ZEB2: variants seen among roughly 807,000 people sequenced by gnomAD.
The protein encoded by ZEB2 is zinc finger E-box-binding homeobox 2.
ZEB2 carries 6 observed loss-of-function variants against 99.9 expected under a neutral mutation model. That is an observed-to-expected ratio of 0.06 (90% CI 0.03 to 0.12). The LOEUF is 0.12. Ranked by LOEUF, ZEB2 falls within the 10% of genes least tolerant of loss-of-function variation. The probability of loss-of-function intolerance (pLI) is 1.00; values close to 1 mark genes in which losing one functional copy is unlikely to be tolerated. For synonymous variants in ZEB2, 517 were observed against 542.5 expected, an observed-to-expected ratio of 0.95 and a Z score of 0.65; for missense variants, 969 against 1,502.8, an observed-to-expected ratio of 0.64 and a Z score of 5.87.
At position 144,391,775 on chromosome 2, in the gene ZEB2, C is replaced by T. The variant is rs116638416; in HGVS notation, c.3068-1747G>A. Among the ~76,000 whole-genome samples, 445 of 152,256 alleles carry T rather than the reference C, an allele frequency of 2.9e-3. 1 individual carries two copies. Among genetic ancestry groups the T allele is most frequent in the Non-Finnish European group, 5.1e-3 (349 of 68,016 alleles). ...GATGCTGTCAGGAGAAAGGATAAGA[C>T]GTTTCTAGTCGCAGCAATTCATCCA... On this transcript the variant is annotated intron_variant, in intron 9 of 9. Coordinates refer to ENST00000627532, the MANE Select transcript of ZEB2 (RefSeq NM_014795.4).
In ZEB2 at chr2:144,389,354, T is replaced by G; in HGVS notation, c.*97A>C. ...CCCTCTCTACAGCTTCCTGGAAGCG[T>G]CAGGCACGTGCATGAACAGCTTAAC... is the stretch of plus-strand genomic sequence containing the variant. On this transcript the variant is annotated 3_prime_UTR_variant, in exon 10 of 10. Coordinates refer to ENST00000627532, the MANE Select transcript of ZEB2 (RefSeq NM_014795.4). This position sits in a 1 kb window ranked among gnomAD's most constrained non-coding sequence, Gnocchi z 6.8. The G allele has an allele frequency of 2.1e-6, 3 of 1,399,240 alleles. No individual in the cohort carries two copies. Among genetic ancestry groups the G allele is most frequent in the South Asian group, 2.3e-5 (2 of 86,636 alleles). 86.7% of individuals were successfully genotyped at this position (1,399,240 alleles called of 1,614,324 possible). A position where few individuals can be genotyped will look rare whatever the true frequency, so the allele number is the denominator to read the frequency against.
chr2:144,388,772 T>TA lies in ZEB2; in HGVS notation c.*678dup. 2 of 418,758 alleles carry TA rather than the reference T, an allele frequency of 4.8e-6. No individual in the cohort carries two copies. Among genetic ancestry groups the TA allele is most frequent in the Non-Finnish European group, 9.5e-6 (2 of 211,424 alleles). The allele number at this position is 418,758 out of a possible 1,614,324, so 25.9% of individuals were successfully genotyped here. On this transcript the variant is annotated 3_prime_UTR_variant, in exon 10 of 10. Coordinates refer to ENST00000627532, the MANE Select transcript of ZEB2 (RefSeq NM_014795.4). This position sits in a 1 kb window ranked among gnomAD's most constrained non-coding sequence, Gnocchi z 5.4. ...TTAAAAGGTTTGCATATAAGGCTTT[T>TA]AAAACCACCTTACAAAGGCTTTCTT...
intron 2 of ZEB2, chr2:144,513,771 TCCGAG>T: frequency 6.5e-7 from 1 of 1,536,074 alleles, no homozygotes; most frequent in Non-Finnish European, 8.7e-7. Context: ...CATCTCCCGC[TCCGAG>T]TGCTCATTTC....
chr2:144,508,797 C>CCTTT (rs1704988373), intron 2 of ZEB2, among the ~76,000 whole-genome samples: 1 of 151,966 alleles, frequency 6.6e-6, no homozygotes, highest in Non-Finnish European at 1.5e-5. Flanking sequence ...AGTTGAAGCC[C>CCTTT]CTTTCTTCAT....
intron 2 of ZEB2, among the ~76,000 whole-genome samples, chr2:144,451,390 T>C (rs1405141940): frequency 1.3e-5 from 2 of 152,182 alleles, no homozygotes; most frequent in African/African-American, 4.8e-5. Context: ...CTTAGGAAAA[T>C]AAATATCCAG....
chr2:144,481,793 A>G (rs1560643185), intron 2 of ZEB2, among the ~76,000 whole-genome samples: 2 of 152,302 alleles, frequency 1.3e-5, no homozygotes, highest in East Asian at 3.9e-4. Context: ...TGAAAGAACA[A>G]TTTCAAAACT....
At chr2:144,445,477 A>G (rs1174675263) in intron 2 of ZEB2, among the ~76,000 whole-genome samples, 1 of 151,964 alleles carries the variant, frequency 6.6e-6, no homozygotes, top group African/African-American at 2.4e-5. Context: ...TCTCTCTTTG[A>G]AAACCCTGCC....
At chr2:144,429,461 G>T (rs891912490) in intron 3 of ZEB2, 1 of 384,676 alleles carries the variant, frequency 2.6e-6, no homozygotes, top group Admixed American at 4.0e-5. Context: ...TATAGATCTT[G>T]ATCATGTTAC....
intron 2 of ZEB2, 123 bp downstream of exon 2, chr2:144,517,155 C>G (rs1573821400): frequency 1.7e-6 from 2 of 1,155,736 alleles, no homozygotes; most frequent in Non-Finnish European, 1.2e-6. Context: ...GAGGGAGGCT[C>G]GCCCTAGAGC....
intron 2 of ZEB2, among the ~76,000 whole-genome samples, chr2:144,435,449 A>G (rs1328800055): frequency 6.6e-6 from 1 of 151,980 alleles, no homozygotes; most frequent in Non-Finnish European, 1.5e-5. Flanking sequence ...GAAATAAAAA[A>G]TCAGTCAGGT....
At position 144,389,801 on chromosome 2, in the gene ZEB2, C is replaced by G. The variant is rs918037210; in HGVS notation, c.3295G>C (p.Gly1099Arg). 9 of 1,611,262 alleles carry G rather than the reference C, an allele frequency of 5.6e-6. No individual in the cohort carries two copies. Among genetic ancestry groups the G allele is most frequent in the Non-Finnish European group, 6.8e-6 (8 of 1,178,172 alleles). Residue 1099 changes from glycine (G) to arginine (R), a missense_variant, in exon 10 of 10, where the codon GGG (glycine) becomes CGG (arginine). Transcript: ENST00000627532. This position sits in a 1 kb window ranked among gnomAD's most constrained non-coding sequence, Gnocchi z 6.8. Reference sequence around the variant, plus strand: ...AGCAGCTCGGTGGGTTCCAAGTGCCCTTTCTCGCGCGCCTCGCGCTCCGCC... The same window carrying G: ...AGCAGCTCGGTGGGTTCCAAGTGCCGTTTCTCGCGCGCCTCGCGCTCCGCC... The part of the protein sequence containing the change: ...EAAEREAREK[G>R]HLEPTELLMN...
intron 2 of ZEB2, among the ~76,000 whole-genome samples, chr2:144,483,993 T>C (rs1230471611): frequency 6.6e-6 from 1 of 152,150 alleles, no homozygotes; most frequent in Non-Finnish European, 1.5e-5. Flanking sequence ...ATTCTAAAAC[T>C]AGAGCTTCAA....
chr2:144,512,202 A>G, intron 2 of ZEB2: 1 of 1,287,268 alleles, frequency 7.8e-7, no homozygotes. Context: ...TCTCTGTGAC[A>G]GGCACAAAAT....
At chr2:144,400,880 GC>G (rs1308488020) in intron 7 of ZEB2, among the ~76,000 whole-genome samples, 31 of 152,220 alleles carry the variant, frequency 2.0e-4, no homozygotes, top group African/African-American at 7.0e-4. Flanking sequence ...TTCAGAATTT[GC>G]CAGTTGAGTT....
At chr2:144,488,943 G>A (rs138442953) in intron 2 of ZEB2, among the ~76,000 whole-genome samples, 4 of 152,202 alleles carry the variant, frequency 2.6e-5, no homozygotes, top group East Asian at 1.9e-4. Context: ...TTAATCTAAC[G>A]ATGATTTGTA....
At chr2:144,441,208 A>AGAGAGAGAGAGAGAGAGAGAGC (rs59338642) in intron 2 of ZEB2, among the ~76,000 whole-genome samples, 1 of 145,536 alleles carries the variant, frequency 6.9e-6, no homozygotes, top group Non-Finnish European at 1.5e-5. Context: ...AGAGAGAGAG[A>AGAGAGAGAGAGAGAGAGAGAGC]ACCTCATGCC....
intron 4 of ZEB2, among the ~76,000 whole-genome samples, chr2:144,414,707 C>A (rs751465721): frequency 6.6e-6 from 1 of 152,114 alleles, no homozygotes; most frequent in Non-Finnish European, 1.5e-5. Flanking sequence ...ATTTATGTAT[C>A]CTGACTCTTC....
At chr2:144,464,940 T>A (rs754692529) in intron 2 of ZEB2, among the ~76,000 whole-genome samples, 2 of 152,170 alleles carry the variant, frequency 1.3e-5, no homozygotes, top group East Asian at 1.9e-4. Flanking sequence ...CTTGATAAGA[T>A]AACATGGAGA....
intron 9 of ZEB2, chr2:144,394,621 T>A (rs182282143): frequency 6.6e-6 from 1 of 152,158 alleles, no homozygotes; most frequent in Non-Finnish European, 1.5e-5. Flanking sequence ...TAAAAGAAAA[T>A]TTTGATGTTT....
Sources: gnomAD v4.1 joint callset for allele counts (sites outside exome capture counted in the v4.1 genomes callset) on GRCh38, gnomAD v4.1.1 for gene constraint, Gnocchi (gnomAD v3.1) non-coding constraint, MANE v1.5 for transcripts, NCBI Gene and HGNC (gene_info 2026-07-23, HGNC 2026-07-21) for gene names.